LPA: variants seen among roughly 807,000 people sequenced by gnomAD.
The protein encoded by LPA is lipoprotein(a).
LPA carries 199 observed loss-of-function variants against 197.9 expected under a neutral mutation model. That is an observed-to-expected ratio of 1.01 (90% confidence interval 0.90 to 1.13). The LOEUF is 1.13. LPA is among the 50% of genes most tolerant of loss of function. The probability of loss-of-function intolerance (pLI) is 0.00; values close to 1 mark genes in which losing one functional copy is unlikely to be tolerated. For missense variants in LPA, 1,853 were observed against 1,785.8 expected (o/e 1.04, Z -0.68); for synonymous variants, 715 against 639.5 (o/e 1.12, Z -1.78).
intron 28 of LPA, among the ~76,000 whole-genome samples, chr6:160,576,394 A>ATATACATATATATATATATATATATGTG (rs1778672725): frequency 1.9e-4 from 10 of 53,744 alleles, no homozygotes; most frequent in Admixed American, 3.1e-4. Context: ...ATATATGTAT[A>ATATACATATATATATATATATATATGTG]TATATATATA....
At chr6:160,546,215 G>A (rs550127043) in intron 32 of LPA, among the ~76,000 whole-genome samples, 11 of 152,230 alleles carry the variant, frequency 7.2e-5, no homozygotes, top group African/African-American at 2.4e-4. Context: ...CTCCAGGGAG[G>A]GAAGAGGGGC....
intron 1 of LPA, among the ~76,000 whole-genome samples, chr6:160,659,308 C>T (rs1189653587): frequency 1.3e-5 from 2 of 152,132 alleles, no homozygotes; most frequent in East Asian, 1.9e-4. Context: ...GTGAGTAAAG[C>T]ACTCAGGATC....
At chr6:160,663,681 C>T (rs191759186) in intron 1 of LPA, among the ~76,000 whole-genome samples, 17 of 152,268 alleles carry the variant, frequency 1.1e-4, no homozygotes, top group African/African-American at 4.1e-4. Context: ...CGATGGAAAG[C>T]CTTACTCAGG....
Position 160,606,601 on chromosome 6 carries a change from A to G in LPA, c.2661T>C (p.Tyr887=), listed in dbSNP as rs1779358642. ...CCCACCTGACACTGGGATCCCTCGT[A>G]TAACAATAAGGGGCTGCCACAGGAT... ...NPDPVAAPYC[Y]TRDPSVRWEY... Residue 887 remains tyrosine (Y), a synonymous_variant, in exon 17 of 39, where the codon TAT becomes TAC. Transcript: ENST00000316300. 1 of 1,613,948 alleles carries G rather than the reference A, an allele frequency of 6.2e-7. No homozygotes were observed. The highest frequency in any genetic ancestry group is 1.1e-5 in the South Asian group (1 of 91,068).
intron 7 of LPA, among the ~76,000 whole-genome samples, chr6:160,634,644 G>C (rs1236161432): frequency 6.6e-6 from 1 of 151,052 alleles, no homozygotes; most frequent in Admixed American, 6.6e-5. Context: ...CTCATATACT[G>C]CTCCATAGAC....
intron 28 of LPA, among the ~76,000 whole-genome samples, chr6:160,567,204 C>T (rs1778473248): frequency 6.6e-6 from 1 of 152,200 alleles, no homozygotes; most frequent in South Asian, 2.1e-4. Flanking sequence ...CTTCTCAGCA[C>T]CACATCGCAC....
intron 28 of LPA, among the ~76,000 whole-genome samples, chr6:160,562,582 T>A (rs1778381190): frequency 6.6e-6 from 1 of 152,244 alleles, no homozygotes; most frequent in African/African-American, 2.4e-5. Context: ...GCTGGCCTCA[T>A]AAAATGAGTT....
chr6:160,664,229 G>A lies in LPA; in HGVS notation c.-15C>T, dbSNP rs1780272338. 6.2e-7 allele frequency: 1 copy of A among 1,605,542 alleles called. No homozygotes were observed. Among genetic ancestry groups the A allele is most frequent in the African/African-American group, 1.3e-5 (1 of 74,622 alleles). On this transcript the variant is annotated 5_prime_UTR_variant, in exon 1 of 39. Transcript: ENST00000316300. ...TTATGTTCCATTTTGGGACTGGCCAGCAGTGCCCAGAAAGTGTGTCCCAAT... is the reference window on the plus strand; with the variant it reads ...TTATGTTCCATTTTGGGACTGGCCAACAGTGCCCAGAAAGTGTGTCCCAAT...
At chr6:160,572,036 G>T (rs1778571823) in intron 28 of LPA, among the ~76,000 whole-genome samples, 1 of 152,224 alleles carries the variant, frequency 6.6e-6, no homozygotes, top group South Asian at 2.1e-4. Context: ...TGGTCTTCAG[G>T]TTGCAAAGAC....
intron 18 of LPA, among the ~76,000 whole-genome samples, chr6:160,601,886 C>T (rs1455755024): frequency 6.6e-6 from 1 of 152,198 alleles, no homozygotes. Flanking sequence ...GTTGAAAGAA[C>T]AGTGGCACTC....
intron 26 of LPA, among the ~76,000 whole-genome samples, chr6:160,584,539 C>G (rs1202933262): frequency 6.6e-6 from 1 of 151,806 alleles, no homozygotes; most frequent in Non-Finnish European, 1.5e-5. Flanking sequence ...GCCATGTTAG[C>G]CAGGCTGGTC....
At chr6:160,662,199 C>T (rs756038427) in intron 1 of LPA, among the ~76,000 whole-genome samples, 6 of 152,088 alleles carry the variant, frequency 3.9e-5, no homozygotes, top group South Asian at 2.1e-4. Flanking sequence ...GGTGAAGAAA[C>T]ATTAAACAAA....
rs528451193 is a variant in LPA, at chr6:160,585,248, A to T, written c.4130-43T>A. The T allele has an allele frequency of 8.1e-6, 13 of 1,608,858 alleles. No individual in the cohort carries two copies. The Admixed American group carries it at 1.3e-4, about 17-fold the overall frequency. ...AATCAAGCTCAGTATTGCCTAGAAAAGGGAAATGTGAAAAAAATTATGACA... is the reference window on the plus strand; with the variant it reads ...AATCAAGCTCAGTATTGCCTAGAAATGGGAAATGTGAAAAAAATTATGACA... On this transcript the variant is annotated intron_variant, in intron 25 of 38. Coordinates refer to ENST00000316300, the MANE Select transcript of LPA (RefSeq NM_005577.4).
chr6:160,584,334 C>A, intron 26 of LPA, among the ~76,000 whole-genome samples: 1 of 105,736 alleles, frequency 9.5e-6, no homozygotes, highest in African/African-American at 3.4e-5. Flanking sequence ...TCTTCTTCTT[C>A]TTTTTTTTTT....
At chr6:160,611,232 T>A (rs1779504950) in intron 16 of LPA, among the ~76,000 whole-genome samples, 1 of 152,098 alleles carries the variant, frequency 6.6e-6, no homozygotes, top group African/African-American at 2.4e-5. Context: ...AATAACGGAA[T>A]TCCAACTGGA....
At position 160,650,467 on chromosome 6, in the gene LPA, T is replaced by A. The variant is rs1219429589; in HGVS notation, c.80A>T (p.Asp27Val). 1.2e-6 allele frequency: 2 copies of A among 1,613,676 alleles called. No individual in the cohort carries two copies. The highest frequency in any genetic ancestry group is 2.7e-5 in the African/African-American group (2 of 74,890). Residue 27 changes from aspartate to valine, a missense_variant, in exon 2 of 39, where the codon GAT becomes GTT. Coordinates refer to ENST00000316300, the MANE Select transcript of LPA (RefSeq NM_005577.4). ...AAPEQSHVVQ[D>V]CYHGDGQSYR... The stretch of plus-strand genomic sequence containing the variant: ...ACTCTGTCCATCACCATGGTAGCAA[T>A]CCTGGACCACATGGCTTTGCTCAGG...
Position 160,662,509 on chromosome 6 carries a change from G to GC in LPA, c.49+1656dup, listed in dbSNP as rs527450653. On this transcript the variant is annotated intron_variant, in intron 1 of 38. Coordinates refer to ENST00000316300, the MANE Select transcript of LPA (RefSeq NM_005577.4). ...TCCAAAAGAGCTTATCAGAGAATGT[G>GC]CCCCCCAGGTCGATTAAAACATATG... Among the ~76,000 whole-genome samples the GC allele has an allele frequency of 2.8e-3, 429 of 152,210 alleles. 3 individuals are homozygous for GC. Among genetic ancestry groups the GC allele is most frequent in the South Asian group, 7.1e-3 (34 of 4,818 alleles).
intron 28 of LPA, among the ~76,000 whole-genome samples, chr6:160,558,524 A>G (rs142570914): frequency 1.6e-4 from 25 of 152,302 alleles, no homozygotes; most frequent in East Asian, 7.7e-4. Context: ...TAGCTCCCAG[A>G]CAGGATGCCA....
chr6:160,566,100 A>T (rs1342782042), intron 28 of LPA, among the ~76,000 whole-genome samples: 1 of 152,208 alleles, frequency 6.6e-6, no homozygotes, highest in African/African-American at 2.4e-5. Context: ...AAGTTGGAAA[A>T]CACTCTTCAG....
Sources: allele counts gnomAD v4.1 joint callset (sites outside exome capture counted in the v4.1 genomes callset), GRCh38; gene constraint gnomAD v4.1.1; transcripts MANE v1.5; gene names NCBI Gene and HGNC (gene_info 2026-07-23, HGNC 2026-07-21).